PPARD: variants seen among roughly 807,000 people sequenced by gnomAD.
The protein encoded by PPARD is peroxisome proliferator-activated receptor delta.
Under a neutral mutation model 39.5 loss-of-function variants are expected in PPARD, and 6 were observed. The observed-to-expected ratio is 0.15, with a 90% CI of 0.08 to 0.30. The LOEUF is 0.30. Among genes scored for constraint, PPARD ranks in the 10% least tolerant of loss-of-function variants. The pLI, the probability that PPARD is intolerant of heterozygous loss-of-function variation, is 1.00. For missense variants in PPARD, 397 were observed against 596.8 expected, an observed-to-expected ratio of 0.67 and a Z score of 3.49; for synonymous variants, 210 against 231.3, an observed-to-expected ratio of 0.91 and a Z score of 0.83.
At chr6:35,343,943 T>C (rs1047601643) in intron 1 of PPARD, among the ~76,000 whole-genome samples, 2 of 152,190 alleles carry the variant, frequency 1.3e-5, no homozygotes, top group Non-Finnish European at 2.9e-5. Context: ...CAGAAAATAC[T>C]TGTGGTCCTC....
At chr6:35,379,293 G>A (rs1456637381) in intron 2 of PPARD, among the ~76,000 whole-genome samples, 1 of 151,866 alleles carries the variant, frequency 6.6e-6, no homozygotes, top group Non-Finnish European at 1.5e-5. Flanking sequence ...TAGTAGAGAT[G>A]GGGTTTTACC....
chr6:35,417,294 G>A (rs1330607222), intron 3 of PPARD, among the ~76,000 whole-genome samples: 2 of 151,476 alleles, frequency 1.3e-5, no homozygotes, highest in Non-Finnish European at 2.9e-5. Context: ...GTGAGCCACT[G>A]CACCTGGCCT....
chr6:35,385,265 G>C (rs1264638381), intron 2 of PPARD, among the ~76,000 whole-genome samples: 2 of 150,108 alleles, frequency 1.3e-5, no homozygotes, highest in South Asian at 2.2e-4. Flanking sequence ...GTAGACATGG[G>C]AGACTTTTCA....
intron 2 of PPARD, among the ~76,000 whole-genome samples, chr6:35,357,882 T>C (rs1308064770): frequency 6.6e-6 from 1 of 152,176 alleles, no homozygotes; most frequent in Admixed American, 6.5e-5. Context: ...AGAAAGACCC[T>C]GGCCTGGGGA....
At chr6:35,404,494 C>G (rs1764901887) in intron 2 of PPARD, among the ~76,000 whole-genome samples, 1 of 152,200 alleles carries the variant, frequency 6.6e-6, no homozygotes, top group African/African-American at 2.4e-5. Context: ...ATGGAGGCCC[C>G]TGGCACACTG....
Position 35,425,706 on chromosome 6 carries a change from G to A in PPARD, c.1079-126G>A. On this transcript the variant is annotated intron_variant, in intron 7 of 7. Transcript: ENST00000360694. This position sits in a 1 kb window ranked among gnomAD's most constrained non-coding sequence, Gnocchi z 4.5. ...AACACCCAGTGGAGCATTGCTGATG[G>A]GACAGGGCTTGGTCTGTCACGGCCA... 1 of 1,372,822 alleles carries A rather than the reference G, an allele frequency of 7.3e-7. No individual in the cohort carries two copies. Among genetic ancestry groups the A allele is most frequent in the Non-Finnish European group, 1.0e-6 (1 of 1,004,746 alleles). The allele number at this position is 1,372,822 out of a possible 1,614,324, so 85.0% of individuals were successfully genotyped here. A position where few individuals can be genotyped will look rare whatever the true frequency, so the allele number is the denominator to read the frequency against.
intron 2 of PPARD, among the ~76,000 whole-genome samples, chr6:35,395,245 G>A (rs1022597293): frequency 5.9e-5 from 9 of 152,204 alleles, no homozygotes; most frequent in African/African-American, 2.2e-4. Context: ...TATGAGACAA[G>A]GGATTGTTTG....
intron 2 of PPARD, among the ~76,000 whole-genome samples, chr6:35,394,780 C>G (rs1469261374): frequency 6.7e-6 from 1 of 149,594 alleles, no homozygotes. Context: ...CCCCGCCCCC[C>G]CCACCAAAAA....
chr6:35,381,072 C>T (rs778931703), intron 2 of PPARD, among the ~76,000 whole-genome samples: 3 of 151,846 alleles, frequency 2.0e-5, no homozygotes, highest in South Asian at 2.1e-4. Flanking sequence ...TCCTCTCTTC[C>T]GTGCACCTCA....
At chr6:35,362,320 T>C (rs1761964795) in intron 2 of PPARD, among the ~76,000 whole-genome samples, 1 of 152,126 alleles carries the variant, frequency 6.6e-6, no homozygotes, top group African/African-American at 2.4e-5. Flanking sequence ...TGGTTGTTCC[T>C]TGATGTTATT....
At chr6:35,388,147 A>G (rs779514159) in intron 2 of PPARD, among the ~76,000 whole-genome samples, 7 of 152,060 alleles carry the variant, frequency 4.6e-5, no homozygotes, top group Non-Finnish European at 8.8e-5. Context: ...TGAGGAAGAC[A>G]GACCAGAAGA....
intron 2 of PPARD, among the ~76,000 whole-genome samples, chr6:35,355,760 C>T (rs559013118): frequency 9.9e-5 from 15 of 151,056 alleles, no homozygotes; most frequent in East Asian, 5.9e-4. Context: ...TACAGGCGCC[C>T]GCCACCACTC....
At chr6:35,419,891 G>A (rs1372993086) in intron 3 of PPARD, among the ~76,000 whole-genome samples, 1 of 152,164 alleles carries the variant, frequency 6.6e-6, no homozygotes, top group Non-Finnish European at 1.5e-5. Flanking sequence ...GCTGTGTACT[G>A]GACATCTTCT....
intron 1 of PPARD, among the ~76,000 whole-genome samples, chr6:35,344,240 G>T (rs1792038506): frequency 6.6e-6 from 1 of 151,672 alleles, no homozygotes; most frequent in African/African-American, 2.4e-5. Context: ...TTTTTCCCTG[G>T]GAGCTTAATT....
intron 2 of PPARD, 38 bp downstream of exon 2, chr6:35,347,188 C>T: frequency 1.3e-6 from 2 of 1,533,316 alleles, no homozygotes; most frequent in Non-Finnish European, 1.7e-6. Flanking sequence ...CTCTGACCAC[C>T]ACTGACACAG....
intron 3 of PPARD, among the ~76,000 whole-genome samples, chr6:35,417,911 G>A (rs1765882493): frequency 6.6e-6 from 1 of 152,232 alleles, no homozygotes; most frequent in African/African-American, 2.4e-5. Context: ...CTTATCATGT[G>A]TCTTTTGAGT....
intron 2 of PPARD, among the ~76,000 whole-genome samples, chr6:35,389,809 G>A (rs1763906254): frequency 6.6e-6 from 1 of 152,188 alleles, no homozygotes; most frequent in Non-Finnish European, 1.5e-5. Context: ...AGCTATGCCT[G>A]GGAAAATACA....
At chr6:35,400,234 C>A (rs1764617490) in intron 2 of PPARD, among the ~76,000 whole-genome samples, 2 of 152,216 alleles carry the variant, frequency 1.3e-5, no homozygotes, top group African/African-American at 4.8e-5. Flanking sequence ...ATGGGGCCTG[C>A]TGGCCACCCA....
rs1486246145 is a variant in PPARD, at chr6:35,401,968, C to G, written c.-101-9019C>G. 6.6e-6 allele frequency among the ~76,000 whole-genome samples: 1 copy of G among 152,096 alleles called. No individual in the cohort carries two copies. Among genetic ancestry groups the G allele is most frequent in the East Asian group, 1.9e-4 (1 of 5,164 alleles). On this transcript the variant is annotated intron_variant, in intron 2 of 7. Coordinates refer to ENST00000360694, the MANE Select transcript of PPARD (RefSeq NM_006238.5). The surrounding 1 kb of genome is among the most constrained non-coding windows in gnomAD (Gnocchi z 4.1). ...AACCACCCTACCCTGGAAGCCCTCT[C>G]CATGTAGTGTGAGGGGTCTCAGGCC...
Sources: gnomAD v4.1 joint callset for allele counts (sites outside exome capture counted in the v4.1 genomes callset) on GRCh38, gnomAD v4.1.1 for gene constraint, Gnocchi (gnomAD v3.1) non-coding constraint, MANE v1.5 for transcripts, NCBI Gene and HGNC (gene_info 2026-07-23, HGNC 2026-07-21) for gene names.